The following CLK4 variants were observed in gnomAD, a reference collection of about 807,000 sequenced individuals.
CLK4 encodes dual specificity protein kinase CLK4.
In CLK4, 37 loss-of-function variants were observed where a neutral mutation model predicts 64.4. The observed-to-expected ratio is 0.57, with a 90% CI of 0.44 to 0.76. The LOEUF (loss-of-function observed/expected upper bound fraction) is 0.76, where lower values mean the gene tolerates loss of function less well. CLK4 is among the 30% of genes least tolerant of loss of function. The pLI is 0.00. For synonymous variants in CLK4, 175 were observed against 191.6 expected (o/e 0.91, Z 0.72); for missense variants, 457 against 605.1 (o/e 0.76, Z 2.57).
In CLK4 at chr5:178,603,715, C is replaced by G; in HGVS notation, c.1348G>C (p.Asp450His). 6.2e-7 allele frequency: 1 copy of G among 1,603,598 alleles called. No individual in the cohort carries two copies. Among genetic ancestry groups the G allele is most frequent in the Non-Finnish European group, 8.5e-7 (1 of 1,176,918 alleles). ...CHDEEHEKLF[D>H]LVRRMLEYDP... ...TATTCTAACATTCTTCGAACCAGGT[C>G]AAACAGTTTCTCATGTTCTTCATCA... The change falls in exon 13 of 13, where the codon GAC (aspartate) becomes CAC (histidine). Residue 450 changes from aspartate (D) to histidine (H), a missense_variant. Physicochemically the swap from Asp to His is moderately conservative, Grantham distance 81 (BLOSUM62 -1). Coordinates refer to ENST00000316308, the MANE Select transcript of CLK4 (RefSeq NM_020666.3).
chr5:178,610,018 C>T (rs1003765758), intron 9 of CLK4, among the ~76,000 whole-genome samples: 5 of 152,114 alleles, frequency 3.3e-5, no homozygotes, highest in Non-Finnish European at 7.4e-5. Context: ...CAACCAGGCA[C>T]GGTGGCTCAC....
rs1764571750 is a variant in CLK4 at position 178,612,541 on chromosome 5, C to T, written c.926G>A (p.Arg309His). The change falls in exon 9 of 13, where the codon CGT becomes CAT. Residue 309 changes from arginine (R) to histidine (H), a missense_variant. Transcript: ENST00000316308. ...TGTGTTTTTCAGTGTGCGTTCATCA[C>T]GTTTCTAGAGAGACACAGTTGAGTA... ...YVVKYNSKMK[R>H]DERTLKNTDI... 5 of 1,613,750 alleles carry T rather than the reference C, an allele frequency of 3.1e-6. No individual in the cohort carries two copies. The highest frequency in any genetic ancestry group is 2.2e-5 in the South Asian group (2 of 91,020).
chr5:178,614,895 A>G (rs1358813888), intron 5 of CLK4, among the ~76,000 whole-genome samples: 1 of 152,258 alleles, frequency 6.6e-6, no homozygotes, highest in Non-Finnish European at 1.5e-5. Flanking sequence ...TATCTATTTA[A>G]TTATATGACC....
At chr5:178,623,197 A>AT (rs1489008000) in intron 2 of CLK4, 59 bp downstream of exon 2, 3 of 1,469,948 alleles carry the variant, frequency 2.0e-6, no homozygotes, top group Non-Finnish European at 2.8e-6. Flanking sequence ...ATATAAGCAA[A>AT]TGACAAATCA....
At chr5:178,614,262 A>G (rs1207575699) in intron 5 of CLK4, among the ~76,000 whole-genome samples, 2 of 152,240 alleles carry the variant, frequency 1.3e-5, no homozygotes, top group Admixed American at 1.3e-4. Context: ...TCAAAGTCTA[A>G]TGGAAAAGAC....
intron 2 of CLK4, 103 bp downstream of exon 2, chr5:178,623,153 A>C (rs1464056360): frequency 8.9e-7 from 1 of 1,120,306 alleles, no homozygotes; most frequent in Non-Finnish European, 1.3e-6. Flanking sequence ...ATATTTGTTG[A>C]CTGAATTATA....
intron 2 of CLK4, chr5:178,620,185 A>G: frequency 3.5e-6 from 1 of 283,430 alleles, no homozygotes; most frequent in South Asian, 3.5e-5. Context: ...ACAACTCAGG[A>G]TATTTGGGTA....
chr5:178,620,973 A>G (rs1764699614), intron 2 of CLK4, among the ~76,000 whole-genome samples: 1 of 152,210 alleles, frequency 6.6e-6, no homozygotes. Flanking sequence ...TCTTAAATTC[A>G]TATGGCACTT....
intron 5 of CLK4, 96 bp from the exon 6 acceptor site, chr5:178,613,939 AT>A: frequency 1.3e-6 from 1 of 784,520 alleles, no homozygotes; most frequent in Non-Finnish European, 2.1e-6. Context: ...CAATTCCTCT[AT>A]GCCATTTAAA....
intron 5 of CLK4, among the ~76,000 whole-genome samples, chr5:178,614,919 A>G (rs1764605843): frequency 6.6e-6 from 1 of 152,228 alleles, no homozygotes; most frequent in Non-Finnish European, 1.5e-5. Flanking sequence ...AAGTTTTCTC[A>G]GTGCTTGTAT....
At chr5:178,615,952 C>G (rs1764621060) in intron 5 of CLK4, among the ~76,000 whole-genome samples, 1 of 152,100 alleles carries the variant, frequency 6.6e-6, no homozygotes, top group South Asian at 2.1e-4. Context: ...TGCTTTATTG[C>G]CTCTGTAATC....
chr5:178,613,903 A>C (rs1037357047), intron 5 of CLK4, 60 bp from the exon 6 acceptor site: 4 of 1,274,946 alleles, frequency 3.1e-6, no homozygotes, highest in Non-Finnish European at 4.6e-6. Context: ...AAGCCATGTT[A>C]TGCTCTAAAG....
chr5:178,620,227 T>C, intron 2 of CLK4: 1 of 249,534 alleles, frequency 4.0e-6, no homozygotes, highest in South Asian at 4.9e-5. Flanking sequence ...AGATATCTGA[T>C]CAGTTGGCTT....
At position 178,612,482 on chromosome 5, in the gene CLK4, A is replaced by G. The variant is rs1753702671; in HGVS notation, c.985T>C (p.Tyr329His). ...AAAGTACTGTGATGTTCATCATCATACGTTGCACTTCCAAAGTCAACAACT... is the reference window on the plus strand; with the variant it reads ...AAAGTACTGTGATGTTCATCATCATGCGTTGCACTTCCAAAGTCAACAACT... ...IKVVDFGSAT[Y>H]DDEHHSTLVS... Residue 329 changes from tyrosine to histidine, a missense_variant, in exon 9 of 13, where the codon TAT becomes CAT. Transcript: ENST00000316308. The G allele has an allele frequency of 6.2e-7, 1 of 1,614,092 alleles. No homozygotes were observed. Among genetic ancestry groups the G allele is most frequent in the African/African-American group, 1.3e-5 (1 of 75,052 alleles).
intron 2 of CLK4, 132 bp from the exon 3 acceptor site, chr5:178,618,910 AT>A: frequency 1.6e-6 from 1 of 638,728 alleles, no homozygotes; most frequent in Non-Finnish European, 2.7e-6. Context: ...ATGAATTAGC[AT>A]TTATATTTAT....
intron 5 of CLK4, among the ~76,000 whole-genome samples, chr5:178,616,455 T>G (rs557798700): frequency 2.6e-5 from 4 of 152,124 alleles, no homozygotes; most frequent in Non-Finnish European, 5.9e-5. Flanking sequence ...TTCAAGAAAC[T>G]TTGGTGAGTA....
chr5:178,614,700 A>C (rs755203237), intron 5 of CLK4, among the ~76,000 whole-genome samples: 21 of 152,228 alleles, frequency 1.4e-4, no homozygotes, highest in Non-Finnish European at 2.5e-4. Flanking sequence ...GGGGCAAACA[A>C]ACACGTATTC....
At chr5:178,622,451 A>G (rs1448396941) in intron 2 of CLK4, 10 of 985,810 alleles carry the variant, frequency 1.0e-5, no homozygotes, top group Non-Finnish European at 1.2e-5. Flanking sequence ...AACAGTCCCA[A>G]TGGAACATCT....
At chr5:178,608,311 T>G (rs567166576) in intron 10 of CLK4, 65 bp downstream of exon 10, 1 of 1,205,626 alleles carries the variant, frequency 8.3e-7, no homozygotes, top group South Asian at 1.4e-5. Flanking sequence ...AAGTCAAAAC[T>G]TTAGCATACC....
Sources: allele counts gnomAD v4.1 joint callset (sites outside exome capture counted in the v4.1 genomes callset), GRCh38; gene constraint gnomAD v4.1.1; transcripts MANE v1.5; gene names NCBI Gene and HGNC (gene_info 2026-07-23, HGNC 2026-07-21).